CFAP299: variants seen among roughly 807,000 people sequenced by gnomAD.
The protein encoded by CFAP299 is cilia- and flagella-associated protein 299.
A neutral mutation model predicts 27.0 loss-of-function variants in CFAP299; 21 were observed. The observed-to-expected ratio is 0.78, with a 90% CI of 0.55 to 1.12. CFAP299 has a LOEUF of 1.12. CFAP299 is among the 50% of genes most tolerant of loss of function. The pLI is 0.00. For missense variants in CFAP299, 310 were observed against 276.6 expected, an observed-to-expected ratio of 1.12 and a Z score of -0.86; for synonymous variants, 104 against 98.1, an observed-to-expected ratio of 1.06 and a Z score of -0.36.
chr4:80,431,061 G>T (rs1173827081), intron 2 of CFAP299, among the ~76,000 whole-genome samples: 1 of 152,132 alleles, frequency 6.6e-6, no homozygotes, highest in African/African-American at 2.4e-5. Flanking sequence ...CTTCACAGCA[G>T]CTGTCTCTTC....
At chr4:80,533,614 T>C (rs1311453542) in intron 2 of CFAP299, among the ~76,000 whole-genome samples, 4 of 152,184 alleles carry the variant, frequency 2.6e-5, no homozygotes, top group South Asian at 2.1e-4. Flanking sequence ...ACTAAATATC[T>C]AAGATCCAGT....
chr4:80,952,005 C>A (rs569216991), intron 5 of CFAP299, among the ~76,000 whole-genome samples: 63 of 152,072 alleles, frequency 4.1e-4, no homozygotes, highest in African/African-American at 1.4e-3. Flanking sequence ...AGAGAGTGGG[C>A]GAGGGGTTGG....
intron 3 of CFAP299, among the ~76,000 whole-genome samples, chr4:80,793,099 A>ATGTGTGTGTGTG (rs149555055): frequency 6.9e-6 from 1 of 145,152 alleles, no homozygotes; most frequent in East Asian, 2.0e-4. Context: ...CCTATTAGTT[A>ATGTGTGTGTGTG]TGTGTGTGTG....
At chr4:80,515,743 C>A (rs1467147125) in intron 2 of CFAP299, among the ~76,000 whole-genome samples, 1 of 152,120 alleles carries the variant, frequency 6.6e-6, no homozygotes, top group Non-Finnish European at 1.5e-5. Context: ...TAGCCATAGA[C>A]TTAATGTAAA....
At chr4:80,950,257 C>CCA (rs1553909131) in intron 5 of CFAP299, among the ~76,000 whole-genome samples, 2 of 151,480 alleles carry the variant, frequency 1.3e-5, no homozygotes, top group Admixed American at 1.3e-4. Context: ...CCCTCCACCC[C>CCA]CCCCCTTTCT....
chr4:80,784,750 C>T (rs1310182143), intron 3 of CFAP299, among the ~76,000 whole-genome samples: 1 of 152,002 alleles, frequency 6.6e-6, no homozygotes, highest in Non-Finnish European at 1.5e-5. Flanking sequence ...CTCCAACTCC[C>T]GACCTCAGAT....
At chr4:80,795,268 A>T (rs1194337060) in intron 3 of CFAP299, among the ~76,000 whole-genome samples, 1 of 152,174 alleles carries the variant, frequency 6.6e-6, no homozygotes, top group Non-Finnish European at 1.5e-5. Flanking sequence ...CTGACCATAC[A>T]GCCAAACCAT....
chr4:80,454,837 T>G (rs1729069236), intron 2 of CFAP299, among the ~76,000 whole-genome samples: 1 of 152,130 alleles, frequency 6.6e-6, no homozygotes, highest in African/African-American at 2.4e-5. Flanking sequence ...ACTGAGAGAC[T>G]GGGGTTTTTA....
At chr4:80,568,225 C>G (rs1334780827) in intron 2 of CFAP299, among the ~76,000 whole-genome samples, 1 of 150,666 alleles carries the variant, frequency 6.6e-6, no homozygotes, top group Non-Finnish European at 1.5e-5. Flanking sequence ...TCTAATTGGT[C>G]TACATTTTTT....
chr4:80,721,663 T>A (rs1429801581), intron 3 of CFAP299, among the ~76,000 whole-genome samples: 1 of 152,044 alleles, frequency 6.6e-6, no homozygotes, highest in African/African-American at 2.4e-5. Context: ...CACATCAATA[T>A]CAAATTACTT....
intron 4 of CFAP299, among the ~76,000 whole-genome samples, chr4:80,920,263 T>C (rs1213036130): frequency 2.0e-5 from 3 of 152,156 alleles, no homozygotes; most frequent in African/African-American, 2.4e-5. Flanking sequence ...CTCCCCTTCA[T>C]TGAATACATG....
At chr4:80,550,760 A>AACACACACAC (rs10561056) in intron 2 of CFAP299, among the ~76,000 whole-genome samples, 1 of 148,718 alleles carries the variant, frequency 6.7e-6, no homozygotes. Context: ...ATTAACTCAA[A>AACACACACAC]ACACACACAC....
chr4:80,395,150 T>G (rs1348275248), intron 2 of CFAP299, among the ~76,000 whole-genome samples: 1 of 152,060 alleles, frequency 6.6e-6, no homozygotes, highest in Admixed American at 6.6e-5. Context: ...CATTGGTTAT[T>G]TCTATGTATT....
intron 2 of CFAP299, among the ~76,000 whole-genome samples, chr4:80,461,052 G>T (rs1729412605): frequency 6.6e-6 from 1 of 152,182 alleles, no homozygotes; most frequent in Non-Finnish European, 1.5e-5. Context: ...TAGATTCAAA[G>T]ATTTTCTGAT....
intron 2 of CFAP299, among the ~76,000 whole-genome samples, chr4:80,527,188 C>A (rs1048243239): frequency 1.3e-5 from 2 of 152,112 alleles, no homozygotes; most frequent in Admixed American, 1.3e-4. Context: ...ATGTGCTCCT[C>A]AGTACCAAAA....
intron 3 of CFAP299, among the ~76,000 whole-genome samples, chr4:80,593,794 T>C (rs1477690259): frequency 2.0e-5 from 3 of 152,196 alleles, no homozygotes; most frequent in African/African-American, 7.2e-5. Flanking sequence ...GGTCATCAAT[T>C]TGAGACTTTT....
intron 3 of CFAP299, among the ~76,000 whole-genome samples, chr4:80,607,666 C>A (rs541590138): frequency 6.6e-6 from 1 of 152,220 alleles, no homozygotes; most frequent in South Asian, 2.1e-4. Flanking sequence ...GTGTTATTTT[C>A]CATAAAGTCA....
At chr4:80,852,121 C>T (rs542561476) in intron 3 of CFAP299, among the ~76,000 whole-genome samples, 3 of 152,202 alleles carry the variant, frequency 2.0e-5, no homozygotes, top group Non-Finnish European at 2.9e-5. Flanking sequence ...ACCTCCTTCC[C>T]GCCTTCTCTT....
chr4:80,435,346 G>A (rs1414606320), intron 2 of CFAP299, among the ~76,000 whole-genome samples: 1 of 152,194 alleles, frequency 6.6e-6, no homozygotes, highest in Non-Finnish European at 1.5e-5. Context: ...ATAAGGAAAG[G>A]CAAGCATCTT....
Sources: allele counts gnomAD v4.1 joint callset (sites outside exome capture counted in the v4.1 genomes callset), GRCh38; gene constraint gnomAD v4.1.1; transcripts MANE v1.5; gene names NCBI Gene and HGNC (gene_info 2026-07-23, HGNC 2026-07-21).